Variants in RBFOX1 observed in about 807,000 individuals in gnomAD.
The protein encoded by RBFOX1 is RNA binding fox-1 homolog 1.
RBFOX1 carries 8 observed loss-of-function variants against 57.7 expected under a neutral mutation model. The observed-to-expected ratio is 0.14, with a 90% confidence interval of 0.08 to 0.25. The LOEUF is 0.25. Ranked by LOEUF, RBFOX1 falls within the 10% of genes least tolerant of loss-of-function variation. RBFOX1 has a pLI of 1.00. For synonymous variants in RBFOX1, 326 were observed against 222.4 expected, an observed-to-expected ratio of 1.47 and a Z score of -4.15; for missense variants, 611 against 548.5, an observed-to-expected ratio of 1.11 and a Z score of -1.14.
At chr16:6,508,988 A>G (rs558593938) in intron 2 of RBFOX1, among the ~76,000 whole-genome samples, 2 of 152,206 alleles carry the variant, frequency 1.3e-5, no homozygotes, top group African/African-American at 2.4e-5. Context: ...TTTATTTTGT[A>G]GGATTTAATT....
intron 2 of RBFOX1, among the ~76,000 whole-genome samples, chr16:6,525,364 TCTC>T (rs1354113000): frequency 6.6e-6 from 1 of 152,070 alleles, no homozygotes; most frequent in Non-Finnish European, 1.5e-5. Flanking sequence ...TGAGTACACT[TCTC>T]CTGAGCAAGA....
At chr16:6,026,121 C>A (rs753415995) in intron 1 of RBFOX1, among the ~76,000 whole-genome samples, 1 of 152,114 alleles carries the variant, frequency 6.6e-6, no homozygotes, top group African/African-American at 2.4e-5. Context: ...TTGCCTGTGT[C>A]GATTCTCGTT....
At chr16:7,686,200 A>T (rs1467886274) in intron 14 of RBFOX1, among the ~76,000 whole-genome samples, 1 of 152,044 alleles carries the variant, frequency 6.6e-6, no homozygotes, top group African/African-American at 2.4e-5. Flanking sequence ...AAAAAAAACA[A>T]GGAGTTTCCT....
At chr16:6,988,564 T>A (rs1488921131) in intron 3 of RBFOX1, among the ~76,000 whole-genome samples, 2 of 120,232 alleles carry the variant, frequency 1.7e-5, no homozygotes, top group African/African-American at 5.4e-5. Context: ...TTTAACTTTA[T>A]TTAATTTTAT....
chr16:5,981,990 A>G (rs1462998398), intron 4 of RBFOX1, among the ~76,000 whole-genome samples: 5 of 152,164 alleles, frequency 3.3e-5, no homozygotes, highest in Admixed American at 2.6e-4. Context: ...CGCTTATCTA[A>G]AGGGTGTTTC....
chr16:5,537,413 C>A (rs1397624989), intron 2 of RBFOX1, among the ~76,000 whole-genome samples: 3 of 152,156 alleles, frequency 2.0e-5, no homozygotes, highest in African/African-American at 7.2e-5. Flanking sequence ...CTTATGCCAA[C>A]AAAAAATTTA....
At chr16:7,362,675 A>G (rs1223684811) in intron 4 of RBFOX1, among the ~76,000 whole-genome samples, 1 of 150,936 alleles carries the variant, frequency 6.6e-6, no homozygotes, top group Non-Finnish European at 1.5e-5. Context: ...GTTAGTTTGC[A>G]TATGTGTGTT....
chr16:6,592,282 A>G (rs1481754859), intron 2 of RBFOX1, among the ~76,000 whole-genome samples: 3 of 152,212 alleles, frequency 2.0e-5, no homozygotes, highest in Non-Finnish European at 1.5e-5. Flanking sequence ...TTGCATACAT[A>G]TTAATTCTAA....
At chr16:6,236,771 C>T (rs2097508131) in intron 1 of RBFOX1, among the ~76,000 whole-genome samples, 1 of 151,946 alleles carries the variant, frequency 6.6e-6, no homozygotes, top group South Asian at 2.1e-4. Flanking sequence ...GTATTTTTGC[C>T]AGATGCTTTT....
intron 4 of RBFOX1, among the ~76,000 whole-genome samples, chr16:5,960,989 A>G (rs1385389971): frequency 1.3e-5 from 2 of 152,306 alleles, no homozygotes; most frequent in East Asian, 3.9e-4. Context: ...AGATGGGGGA[A>G]AAAGCTACCT....
intron 4 of RBFOX1, among the ~76,000 whole-genome samples, chr16:7,179,854 C>A (rs551860246): frequency 6.6e-6 from 1 of 152,016 alleles, no homozygotes; most frequent in Non-Finnish European, 1.5e-5. Context: ...CCTGCCTCAG[C>A]CTCCTGAATA....
At chr16:5,282,770 A>G (rs1256579333) in intron 1 of RBFOX1, among the ~76,000 whole-genome samples, 1 of 152,240 alleles carries the variant, frequency 6.6e-6, no homozygotes, top group Non-Finnish European at 1.5e-5. Flanking sequence ...GAAGCAGAGC[A>G]TAAAAGTTTG....
At chr16:6,957,289 G>T (rs150158347) in intron 3 of RBFOX1, among the ~76,000 whole-genome samples, 1,778 of 151,714 alleles carry the variant, frequency 0.012, 47 homozygotes, top group African/African-American at 0.041. Context: ...CCACCACTGC[G>T]CCAGGCTAAT....
chr16:6,937,269 C>A (rs187323932), intron 3 of RBFOX1, among the ~76,000 whole-genome samples: 3 of 152,248 alleles, frequency 2.0e-5, no homozygotes, highest in East Asian at 1.9e-4. Context: ...CAATTGCCAA[C>A]TCACGACCAA....
intron 1 of RBFOX1, among the ~76,000 whole-genome samples, chr16:6,026,683 T>A (rs1296318619): frequency 6.6e-6 from 1 of 152,238 alleles, no homozygotes; most frequent in Admixed American, 6.5e-5. Context: ...ACTTTATCGT[T>A]GTGTAAGAGC....
intron 4 of RBFOX1, among the ~76,000 whole-genome samples, chr16:5,876,605 C>T (rs1462158119): frequency 6.6e-6 from 1 of 152,178 alleles, no homozygotes; most frequent in Non-Finnish European, 1.5e-5. Context: ...CGTTGACTGC[C>T]TGTTTTAAGA....
At chr16:6,684,208 T>A (rs1231279613) in intron 3 of RBFOX1, among the ~76,000 whole-genome samples, 1 of 152,222 alleles carries the variant, frequency 6.6e-6, no homozygotes, top group East Asian at 1.9e-4. Context: ...TTTATTAGTT[T>A]CTTATGCATG....
At position 7,433,418 on chromosome 16, in the gene RBFOX1, A is replaced by C. The variant is rs757443217; in HGVS notation, c.28-84729A>C. 6.6e-4 allele frequency among the ~76,000 whole-genome samples: 101 copies of C among 152,202 alleles called. 1 individual carries two copies. The highest frequency in any genetic ancestry group is 3.3e-4 in the Admixed American group (5 of 15,286). On this transcript the variant is annotated intron_variant, in intron 4 of 15. Coordinates refer to ENST00000550418, the MANE Select transcript of RBFOX1 (RefSeq NM_018723.4). Reference sequence around the variant, plus strand: ...CATGGCATGGCCTTTGTTCTAAGGAACTTCAAGTCTAATAGGGGATAATGA... The same window carrying C: ...CATGGCATGGCCTTTGTTCTAAGGACCTTCAAGTCTAATAGGGGATAATGA...
intron 4 of RBFOX1, among the ~76,000 whole-genome samples, chr16:7,377,879 G>A (rs1289962460): frequency 2.0e-5 from 3 of 152,196 alleles, no homozygotes; most frequent in Non-Finnish European, 4.4e-5. Context: ...TAGCAAATAG[G>A]AGATTGATGC....
Sources: allele counts gnomAD v4.1 joint callset (sites outside exome capture counted in the v4.1 genomes callset), GRCh38; gene constraint gnomAD v4.1.1; transcripts MANE v1.5; gene names NCBI Gene and HGNC (gene_info 2026-07-23, HGNC 2026-07-21).